The following SGCD variants were observed in gnomAD, a reference collection of about 807,000 sequenced individuals.
The protein encoded by SGCD is sarcoglycan delta, also known as delta-sarcoglycan.
In SGCD, 18 loss-of-function variants were observed where a neutral mutation model predicts 36.6. The observed-to-expected ratio is 0.49, with a 90% confidence interval of 0.34 to 0.73. The LOEUF is 0.73. SGCD is among the 30% of genes least tolerant of loss of function. The probability of loss-of-function intolerance (pLI) is 0.01; values close to 1 mark genes in which losing one functional copy is unlikely to be tolerated. For missense variants in SGCD, 387 were observed against 346.7 expected, an observed-to-expected ratio of 1.12 and a Z score of -0.92; for synonymous variants, 133 against 130.6, an observed-to-expected ratio of 1.02 and a Z score of -0.12.
rs547931937 is a variant in SGCD, at chr5:155,879,437, G to A, written c.-282+9013G>A. Among the ~76,000 whole-genome samples, 26 of 152,154 alleles carry A rather than the reference G, an allele frequency of 1.7e-4. 1 individual carries two copies. In the South Asian group the frequency reaches 2.7e-3, roughly 16 times the overall value. ...AGCCAAAATGATGCTGACTGAAAAC[G>A]TTCTTGACAACTTCCCTGGATAGCG... On this transcript the variant is annotated intron_variant, in intron 1 of 9. Transcript: ENST00000517913.
At chr5:155,958,201 T>A (rs567767197) in intron 1 of SGCD, among the ~76,000 whole-genome samples, 2 of 152,272 alleles carry the variant, frequency 1.3e-5, no homozygotes, top group Admixed American at 6.5e-5. Flanking sequence ...GTTTTTAAAC[T>A]GTAAAGCACT....
At chr5:156,693,554 T>C (rs1413095136) in intron 7 of SGCD, among the ~76,000 whole-genome samples, 1 of 152,186 alleles carries the variant, frequency 6.6e-6, no homozygotes, top group Non-Finnish European at 1.5e-5. Flanking sequence ...AGGGTGCAGA[T>C]ACCCATTTTA....
At chr5:156,754,414 T>TA (rs1381726164) in intron 7 of SGCD, among the ~76,000 whole-genome samples, 1 of 152,226 alleles carries the variant, frequency 6.6e-6, no homozygotes, top group Non-Finnish European at 1.5e-5. Context: ...TTAAATAAGT[T>TA]ATAAGAAATA....
intron 1 of SGCD, among the ~76,000 whole-genome samples, chr5:155,883,025 G>A (rs562151357): frequency 3.0e-4 from 46 of 152,256 alleles, no homozygotes; most frequent in African/African-American, 8.2e-4. Context: ...TTCTGCTTAC[G>A]TTTTTATGCT....
At chr5:156,619,330 A>G (rs1762154042) in intron 6 of SGCD, among the ~76,000 whole-genome samples, 1 of 152,122 alleles carries the variant, frequency 6.6e-6, no homozygotes, top group African/African-American at 2.4e-5. Context: ...GGCCGAAGAG[A>G]GCCAATTCCA....
At chr5:156,638,237 G>A (rs924955102) in intron 6 of SGCD, among the ~76,000 whole-genome samples, 10 of 151,864 alleles carry the variant, frequency 6.6e-5, no homozygotes, top group African/African-American at 9.7e-5. Context: ...AGGACACAGC[G>A]TATCATGGCT....
intron 1 of SGCD, among the ~76,000 whole-genome samples, chr5:156,102,875 C>T (rs1049323927): frequency 3.3e-5 from 5 of 152,066 alleles, no homozygotes; most frequent in African/African-American, 1.2e-4. Context: ...TATAAATATA[C>T]ACATAACACA....
intron 6 of SGCD, among the ~76,000 whole-genome samples, chr5:156,601,189 A>C (rs1761176164): frequency 1.3e-5 from 2 of 152,122 alleles, no homozygotes; most frequent in Non-Finnish European, 2.9e-5. Flanking sequence ...TACTTTTGAG[A>C]TCTCACCTAA....
At chr5:155,943,704 T>C (rs1342319461) in intron 1 of SGCD, among the ~76,000 whole-genome samples, 1 of 152,182 alleles carries the variant, frequency 6.6e-6, no homozygotes, top group Non-Finnish European at 1.5e-5. Context: ...CTTTGGGGGT[T>C]GCTCAACCCT....
chr5:155,940,440 C>A (rs1757298590), intron 1 of SGCD, among the ~76,000 whole-genome samples: 1 of 152,206 alleles, frequency 6.6e-6, no homozygotes, highest in South Asian at 2.1e-4. Context: ...ATTTGACCAA[C>A]CTGAGCCTCA....
intron 6 of SGCD, among the ~76,000 whole-genome samples, chr5:156,609,028 C>A (rs528073924): frequency 4.6e-4 from 70 of 152,150 alleles, no homozygotes; most frequent in African/African-American, 1.6e-3. Flanking sequence ...TTAATTGGAG[C>A]ATTTAGCCCA....
intron 6 of SGCD, among the ~76,000 whole-genome samples, chr5:156,618,534 A>G (rs1301506125): frequency 2.0e-5 from 3 of 151,696 alleles, no homozygotes; most frequent in African/African-American, 7.3e-5. Context: ...TCTACAATAT[A>G]GAAATAATAA....
intron 1 of SGCD, among the ~76,000 whole-genome samples, chr5:155,971,087 T>C (rs1462884707): frequency 1.3e-5 from 2 of 152,136 alleles, no homozygotes; most frequent in Non-Finnish European, 2.9e-5. Context: ...TAGCAGAGCT[T>C]ATGAATTTTT....
chr5:156,170,211 T>C (rs1338272671), intron 3 of SGCD, among the ~76,000 whole-genome samples: 1 of 152,240 alleles, frequency 6.6e-6, no homozygotes, highest in South Asian at 2.1e-4. Flanking sequence ...CCCTGAAATA[T>C]TGTGAAATTG....
At chr5:156,358,988 A>G (rs563971574) in intron 3 of SGCD, among the ~76,000 whole-genome samples, 1 of 152,248 alleles carries the variant, frequency 6.6e-6, no homozygotes, top group East Asian at 1.9e-4. Context: ...CTTATGTAAC[A>G]CTTGTGGGAT....
intron 1 of SGCD, among the ~76,000 whole-genome samples, chr5:156,042,622 G>T (rs1446638107): frequency 6.6e-6 from 1 of 152,156 alleles, no homozygotes; most frequent in Non-Finnish European, 1.5e-5. Context: ...CTGCTGATTT[G>T]TTGGGGATGC....
At chr5:155,853,251 C>A in the SGCD span, among the ~76,000 whole-genome samples, 1 of 152,022 alleles carries the variant, frequency 6.6e-6, no homozygotes, top group Non-Finnish European at 1.5e-5. Flanking sequence ...TCAGAGCCCA[C>A]CCTTCTCATT....
intron 7 of SGCD, among the ~76,000 whole-genome samples, chr5:156,675,956 C>T (rs769263062): frequency 1.6e-4 from 24 of 152,150 alleles, no homozygotes; most frequent in Admixed American, 3.3e-4. Flanking sequence ...AGAAACAAGA[C>T]GCCTTGTCTG....
At chr5:156,686,955 C>A (rs138781141) in intron 7 of SGCD, among the ~76,000 whole-genome samples, 3 of 152,218 alleles carry the variant, frequency 2.0e-5, no homozygotes, top group Non-Finnish European at 4.4e-5. Context: ...GGGGGCAGTC[C>A]CATTTTTCAA....
Sources: gnomAD v4.1 joint callset for allele counts (sites outside exome capture counted in the v4.1 genomes callset) on GRCh38, gnomAD v4.1.1 for gene constraint, MANE v1.5 for transcripts, NCBI Gene and HGNC (gene_info 2026-07-23, HGNC 2026-07-21) for gene names.